Variants in TMTC1 observed in about 807,000 individuals in gnomAD.
TMTC1 encodes the protein protein O-mannosyl-transferase TMTC1.
A neutral mutation model predicts 104.8 loss-of-function variants in TMTC1; 73 were observed. The ratio of observed to expected loss-of-function variants is 0.70; its 90% confidence interval spans 0.58 to 0.85. The LOEUF (loss-of-function observed/expected upper bound fraction) is 0.85. Among genes scored for constraint, TMTC1 ranks in the 40% least tolerant of loss-of-function variants. The pLI is 0.00. For synonymous variants in TMTC1, 434 were observed against 428.7 expected (o/e 1.01, Z -0.15); for missense variants, 1,035 against 1,096.1 (o/e 0.94, Z 0.79).
intron 5 of TMTC1, chr12:29,660,933 A>C: frequency 8.6e-7 from 1 of 1,168,978 alleles, no homozygotes; most frequent in South Asian, 1.7e-5. Context: ...TCTACCAGAC[A>C]CAATGTTCTC....
At chr12:29,670,007 T>G (rs957104403) in intron 5 of TMTC1, among the ~76,000 whole-genome samples, 3 of 152,138 alleles carry the variant, frequency 2.0e-5, no homozygotes, top group African/African-American at 7.2e-5. Context: ...TGACCACACA[T>G]TTGCTGTGTT....
chr12:29,731,353 C>T lies in TMTC1; in HGVS notation c.938+20313G>A, dbSNP rs1210023039. Among the ~76,000 whole-genome samples, 6 of 152,262 alleles carry T rather than the reference C, an allele frequency of 3.9e-5. No homozygotes were observed. In the East Asian group the frequency reaches 9.7e-4, roughly 25 times the overall value. On this transcript the variant is annotated intron_variant, in intron 5 of 17. Transcript: ENST00000539277. ...TGTATCTTTAGTAGAGACGGCGTTT[C>T]ATCATATTGGCCAGGCTGATCTCAA...
chr12:29,636,934 T>C (rs1484363502), intron 5 of TMTC1, among the ~76,000 whole-genome samples: 1 of 150,276 alleles, frequency 6.7e-6, no homozygotes, highest in Non-Finnish European at 1.5e-5. Context: ...CACACACCTG[T>C]AGTCCCAGCT....
chr12:29,545,676 C>CACACACACA (rs1555167547), intron 10 of TMTC1, among the ~76,000 whole-genome samples: 4 of 137,842 alleles, frequency 2.9e-5, no homozygotes, highest in Non-Finnish European at 4.7e-5. Flanking sequence ...CACACACACA[C>CACACACACA]GGATAGAAAC....
intron 7 of TMTC1, among the ~76,000 whole-genome samples, chr12:29,590,212 T>A (rs1345906634): frequency 6.6e-6 from 1 of 151,376 alleles, no homozygotes; most frequent in African/African-American, 2.4e-5. Flanking sequence ...ATCTGAGGAA[T>A]GAAGCCCTTT....
chr12:29,724,112 G>GA (rs1250917426), intron 5 of TMTC1, among the ~76,000 whole-genome samples: 1 of 151,996 alleles, frequency 6.6e-6, no homozygotes, highest in Non-Finnish European at 1.5e-5. Flanking sequence ...CGCTTCGCAG[G>GA]AAAAAAATCC....
At chr12:29,596,856 T>G (rs1946417448) in intron 7 of TMTC1, among the ~76,000 whole-genome samples, 1 of 152,232 alleles carries the variant, frequency 6.6e-6, no homozygotes, top group Non-Finnish European at 1.5e-5. Flanking sequence ...CAACAAAATC[T>G]AAAGTGACTT....
intron 9 of TMTC1, among the ~76,000 whole-genome samples, chr12:29,565,733 G>A (rs1945493973): frequency 6.6e-6 from 1 of 152,132 alleles, no homozygotes; most frequent in South Asian, 2.1e-4. Flanking sequence ...TGTAATCCCA[G>A]TTACTTGGGA....
At chr12:29,569,080 T>G (rs922588347) in intron 9 of TMTC1, 4 of 437,698 alleles carry the variant, frequency 9.1e-6, no homozygotes, top group African/African-American at 8.1e-5. Flanking sequence ...TTTGACATTT[T>G]TCTTTGATGA....
At chr12:29,511,005 C>A (rs1034633998) in intron 17 of TMTC1, among the ~76,000 whole-genome samples, 3 of 152,144 alleles carry the variant, frequency 2.0e-5, no homozygotes, top group African/African-American at 7.2e-5. Flanking sequence ...GGCCTCTGCA[C>A]GTGCTTGTGC....
At chr12:29,703,047 G>C (rs181230510) in intron 5 of TMTC1, among the ~76,000 whole-genome samples, 40 of 152,068 alleles carry the variant, frequency 2.6e-4, no homozygotes, top group African/African-American at 8.2e-4. Context: ...GGGAGGCTGA[G>C]GCAGAAGAAT....
At chr12:29,637,905 C>T (rs936086530) in intron 5 of TMTC1, among the ~76,000 whole-genome samples, 2 of 152,172 alleles carry the variant, frequency 1.3e-5, no homozygotes, top group Non-Finnish European at 2.9e-5. Context: ...CTTTTGCCTA[C>T]AAAATCTTTT....
At chr12:29,783,953 C>G (rs1943901004), upstream of TMTC1, 1 of 273,390 alleles carries the variant, frequency 3.7e-6, no homozygotes, top group African/African-American at 2.3e-5. The surrounding 1 kb of genome is among the most constrained non-coding windows in gnomAD (Gnocchi z 4.7). Flanking sequence ...AGCAGTCCCC[C>G]CGCCTCCCCC....
At chr12:29,676,212 T>C (rs1316659725) in intron 5 of TMTC1, among the ~76,000 whole-genome samples, 1 of 152,240 alleles carries the variant, frequency 6.6e-6, no homozygotes. Flanking sequence ...GTGTGTCAGA[T>C]ATCCATTTTA....
At chr12:29,637,727 C>T (rs993653353) in intron 5 of TMTC1, among the ~76,000 whole-genome samples, 2 of 152,124 alleles carry the variant, frequency 1.3e-5, no homozygotes, top group African/African-American at 4.8e-5. Flanking sequence ...TTCTCTGCCT[C>T]AGCAAAAACC....
At chr12:29,697,846 G>T (rs912062349) in intron 5 of TMTC1, among the ~76,000 whole-genome samples, 2 of 152,122 alleles carry the variant, frequency 1.3e-5, no homozygotes, top group African/African-American at 4.8e-5. Context: ...AATCCACTTT[G>T]TTCAAAATTC....
chr12:29,523,143 C>T lies in TMTC1; in HGVS notation c.1786-2423G>A, dbSNP rs568960230. The stretch of plus-strand genomic sequence containing the variant: ...GTTCATCCATCCAACCTGTCCCTCC[C>T]TCCCTTTCCTTGACAAATATTTCAC... On this transcript the variant is annotated intron_variant, in intron 11 of 17. Coordinates refer to ENST00000539277, the MANE Select transcript of TMTC1 (RefSeq NM_001193451.2). Among the ~76,000 whole-genome samples, 87 of 152,316 alleles carry T rather than the reference C, an allele frequency of 5.7e-4. 1 individual carries two copies. The South Asian group carries it at 0.018, about 31-fold the overall frequency.
chr12:29,679,957 G>A (rs571116907), intron 5 of TMTC1, among the ~76,000 whole-genome samples: 1 of 152,190 alleles, frequency 6.6e-6, no homozygotes, highest in Admixed American at 6.5e-5. Flanking sequence ...TATATACCTA[G>A]TACTATATAA....
chr12:29,707,298 T>A (rs1941773630), intron 5 of TMTC1, among the ~76,000 whole-genome samples: 1 of 152,330 alleles, frequency 6.6e-6, no homozygotes, highest in Non-Finnish European at 1.5e-5. Context: ...CTAACATATT[T>A]TCGGCATTTC....
Sources: allele counts gnomAD v4.1 joint callset (sites outside exome capture counted in the v4.1 genomes callset), GRCh38; gene constraint gnomAD v4.1.1; non-coding constraint Gnocchi (gnomAD v3.1); transcripts MANE v1.5; gene names NCBI Gene and HGNC (gene_info 2026-07-23, HGNC 2026-07-21).